The following CNTLN variants were observed in gnomAD, a reference collection of about 807,000 sequenced individuals.
CNTLN encodes the protein centlein, centrosomal protein.
CNTLN carries 212 observed loss-of-function variants against 180.0 expected under a neutral mutation model. The ratio of observed to expected loss-of-function variants is 1.18; its 90% CI spans 1.05 to 1.32. The LOEUF (loss-of-function observed/expected upper bound fraction) is 1.32. Ranked by LOEUF, CNTLN falls within the 40% of genes most tolerant of loss-of-function variation. The pLI, the probability that CNTLN is intolerant of heterozygous loss-of-function variation, is 0.00. For missense variants in CNTLN, 2,095 were observed against 1,610.9 expected (o/e 1.30, Z -5.14); for synonymous variants, 722 against 563.1 (o/e 1.28, Z -3.99).
rs183631807 is a variant in CNTLN, at chr9:17,400,821, G to T, written c.2615+5752G>T. Among the ~76,000 whole-genome samples the T allele has an allele frequency of 5.5e-3, 842 of 152,220 alleles. 6 individuals carry two copies. The highest frequency in any genetic ancestry group is 8.2e-3 in the Admixed American group (126 of 15,294). On this transcript the variant is annotated intron_variant, in intron 15 of 25. Coordinates refer to ENST00000380647, the MANE Select transcript of CNTLN (RefSeq NM_017738.4). ...CATTCCCAGTTGTGGTCAAGAATAT[G>T]AAAAATTCTGCAATCAAACAGTGTA...
intron 16 of CNTLN, among the ~76,000 whole-genome samples, chr9:17,412,603 T>C (rs1175919879): frequency 6.6e-6 from 1 of 152,240 alleles, no homozygotes; most frequent in East Asian, 1.9e-4. Flanking sequence ...TTTAATACTT[T>C]ATTATAAAAT....
At chr9:17,142,820 A>G (rs1818197928) in intron 1 of CNTLN, among the ~76,000 whole-genome samples, 1 of 152,186 alleles carries the variant, frequency 6.6e-6, no homozygotes, top group Middle Eastern at 3.2e-3. Flanking sequence ...TAAGGACTGA[A>G]ACTACCCATT....
the CNTLN span, among the ~76,000 whole-genome samples, chr9:17,510,846 G>C: frequency 6.6e-6 from 1 of 152,126 alleles, no homozygotes; most frequent in African/African-American, 2.4e-5. Flanking sequence ...TTCAAGTACA[G>C]GTTTTTGTAT....
At chr9:17,205,696 G>T (rs1822869981) in intron 2 of CNTLN, among the ~76,000 whole-genome samples, 1 of 152,188 alleles carries the variant, frequency 6.6e-6, no homozygotes, top group Non-Finnish European at 1.5e-5. Flanking sequence ...TTACTACTTG[G>T]ATGCCCCAAT....
chr9:17,424,597 A>G (rs1018020970), intron 18 of CNTLN, among the ~76,000 whole-genome samples: 2 of 152,234 alleles, frequency 1.3e-5, no homozygotes, highest in Non-Finnish European at 2.9e-5. Flanking sequence ...CTAAATATGT[A>G]TAAAACTTCA....
At chr9:17,363,694 G>A (rs916694444) in intron 12 of CNTLN, among the ~76,000 whole-genome samples, 7 of 151,832 alleles carry the variant, frequency 4.6e-5, no homozygotes, top group Non-Finnish European at 4.4e-5. Flanking sequence ...ATCCAATATC[G>A]TTTTGTTGTT....
intron 13 of CNTLN, among the ~76,000 whole-genome samples, chr9:17,379,537 GTAAT>G (rs1825055905): frequency 6.6e-6 from 1 of 152,110 alleles, no homozygotes; most frequent in Admixed American, 6.5e-5. Context: ...GTAAGCTGGG[GTAAT>G]TAAAGAACTC....
At position 17,201,090 on chromosome 9, in the gene CNTLN, C is replaced by G. The variant is rs145551925; in HGVS notation, c.450-25113C>G. 7.9e-5 allele frequency among the ~76,000 whole-genome samples: 12 copies of G among 152,224 alleles called. No homozygotes were observed. In the East Asian group the frequency reaches 2.1e-3, roughly 27 times the overall value. The stretch of plus-strand genomic sequence containing the variant: ...CCTTTTCTGCATCTATTGAGATAAT[C>G]ATGTGATTTTTGTCATTGGTTCTGT... On this transcript the variant is annotated intron_variant, in intron 2 of 25. Transcript: ENST00000380647.
intron 18 of CNTLN, among the ~76,000 whole-genome samples, chr9:17,440,227 C>T (rs537405446): frequency 3.2e-4 from 49 of 151,874 alleles, no homozygotes; most frequent in Non-Finnish European, 5.0e-4. Flanking sequence ...CAAAGTGAAA[C>T]ATAGAGTTAC....
In CNTLN at chr9:17,394,464, T is replaced by A. The variant is rs1324714078; in HGVS notation, c.2080-70T>A. 1.0e-5 allele frequency: 11 copies of A among 1,083,144 alleles called. No homozygotes were observed. In the East Asian group the frequency reaches 2.9e-4, roughly 28 times the overall value. 67.1% of individuals were successfully genotyped at this position (1,083,144 alleles called of 1,614,324 possible). ...CTAAATGTGATTTTTATTTCATAAG[T>A]TAGAAATGGTAATAAAGTATAGTAG... On this transcript the variant is annotated intron_variant, in intron 14 of 25. Transcript: ENST00000380647.
intron 12 of CNTLN, among the ~76,000 whole-genome samples, chr9:17,364,160 G>C (rs574300223): frequency 6.6e-6 from 1 of 151,994 alleles, no homozygotes; most frequent in Non-Finnish European, 1.5e-5. Flanking sequence ...ATCTTCATCA[G>C]TTCTCAAATC....
At chr9:17,221,109 G>A (rs1824105434) in intron 2 of CNTLN, among the ~76,000 whole-genome samples, 1 of 151,808 alleles carries the variant, frequency 6.6e-6, no homozygotes, top group Non-Finnish European at 1.5e-5. Context: ...CTAACTTTTG[G>A]GATCCTGTTA....
intron 5 of CNTLN, among the ~76,000 whole-genome samples, chr9:17,259,768 T>A (rs1424945689): frequency 6.7e-6 from 1 of 149,112 alleles, no homozygotes; most frequent in Non-Finnish European, 1.5e-5. Flanking sequence ...TGCGTAGAGG[T>A]GTTTGTAGTA....
intron 16 of CNTLN, among the ~76,000 whole-genome samples, chr9:17,411,901 G>A (rs79531974): frequency 0.035 from 5,283 of 152,096 alleles, 153 homozygotes; most frequent in East Asian, 0.17. Flanking sequence ...GATCACATAG[G>A]GAACCTGGAT....
chr9:17,479,843 G>C (rs1832542787), intron 23 of CNTLN, among the ~76,000 whole-genome samples: 2 of 151,980 alleles, frequency 1.3e-5, no homozygotes, highest in South Asian at 4.1e-4. Context: ...TTTGAACAAA[G>C]AGGAAAGAAG....
At chr9:17,198,718 C>G (rs1255080021) in intron 2 of CNTLN, among the ~76,000 whole-genome samples, 2 of 151,080 alleles carry the variant, frequency 1.3e-5, no homozygotes, top group African/African-American at 4.9e-5. Context: ...TGTGATGTTC[C>G]CCTTCCTGTG....
chr9:17,483,258 TTAAAA>T (rs1832736360), intron 23 of CNTLN, among the ~76,000 whole-genome samples: 1 of 152,272 alleles, frequency 6.6e-6, no homozygotes, highest in African/African-American at 2.4e-5. Flanking sequence ...AAATGAAACT[TTAAAA>T]TACAGCAAAA....
intron 2 of CNTLN, among the ~76,000 whole-genome samples, chr9:17,158,151 A>G (rs1439527572): frequency 6.6e-6 from 1 of 152,134 alleles, no homozygotes; most frequent in Non-Finnish European, 1.5e-5. Context: ...GTCTATTGAG[A>G]TGATCATGTG....
chr9:17,238,201 C>T (rs1405088168), intron 5 of CNTLN, among the ~76,000 whole-genome samples: 1 of 152,066 alleles, frequency 6.6e-6, no homozygotes, highest in African/African-American at 2.4e-5. Context: ...TTCTGTTCTA[C>T]AGACGTTGAA....
Sources: gnomAD v4.1 joint callset for allele counts (sites outside exome capture counted in the v4.1 genomes callset) on GRCh38, gnomAD v4.1.1 for gene constraint, MANE v1.5 for transcripts, NCBI Gene and HGNC (gene_info 2026-07-23, HGNC 2026-07-21) for gene names.